The following NSD1 variants were observed in gnomAD, a reference collection of about 807,000 sequenced individuals.
The protein encoded by NSD1 is histone-lysine N-methyltransferase, H3 lysine-36 specific.
Under a neutral mutation model 242.7 loss-of-function variants are expected in NSD1, and 26 were observed. The ratio of observed to expected loss-of-function variants is 0.11; its 90% CI spans 0.08 to 0.15. NSD1 has a LOEUF of 0.15. NSD1 is among the 10% of genes least tolerant of loss of function. The pLI, the probability that NSD1 is intolerant of heterozygous loss-of-function variation, is 1.00. For missense variants in NSD1, 2,495 were observed against 3,272.8 expected (o/e 0.76, Z 5.80); for synonymous variants, 1,106 against 1,178.1 (o/e 0.94, Z 1.25).
Position 177,211,591 on chromosome 5 carries a change from T to C in NSD1, c.3192T>C (p.Leu1064=). Residue 1064 remains leucine (L), a synonymous_variant, in exon 5 of 23, where the codon CTT becomes CTC. Transcript: ENST00000439151. ...TGAATCAGCTTCCAAGTGTGACTCT[T>C]GATGCTGTACTGCAGGGAGACCGAG... The part of the protein sequence containing the change: ...RKLNQLPSVT[L]DAVLQGDRER... 1 of 1,614,112 alleles carries C rather than the reference T, an allele frequency of 6.2e-7. No individual in the cohort carries two copies.
intron 2 of NSD1, among the ~76,000 whole-genome samples, chr5:177,155,561 C>CTTT (rs58025377): frequency 4.1e-5 from 4 of 96,592 alleles, no homozygotes; most frequent in Non-Finnish European, 6.8e-5. Flanking sequence ...ACCGCACTGG[C>CTTT]TTTTTTTTTT....
At position 177,246,790 on chromosome 5, in the gene NSD1, C is replaced by G; in HGVS notation, c.4491C>G (p.Gly1497=). The G allele has an allele frequency of 6.2e-7, 1 of 1,607,884 alleles. No individual in the cohort carries two copies. The highest frequency in any genetic ancestry group is 8.5e-7 in the Non-Finnish European group (1 of 1,174,430). The change falls in exon 10 of 23, where the codon GGC becomes GGG. Residue 1497 remains glycine (G), a synonymous_variant. Coordinates refer to ENST00000439151, the MANE Select transcript of NSD1 (RefSeq NM_022455.5). The stretch of plus-strand genomic sequence containing the variant: ...ATGACTCGTCAAAAGAGATTCCAGG[C>G]TCAGAGGTATTACTCAGTTCCTGAT... The part of the protein sequence containing the change: ...KNDDSSKEIP[G]SEGELMPHRT...
chr5:177,267,269 G>A (rs1757570978), intron 14 of NSD1, among the ~76,000 whole-genome samples: 1 of 152,112 alleles, frequency 6.6e-6, no homozygotes, highest in Admixed American at 6.6e-5. Context: ...AAACAGATGT[G>A]GTTATTGTTT....
In NSD1 at chr5:177,135,477, C is replaced by G. The variant is rs761430959; in HGVS notation, c.374C>G (p.Ala125Gly). The G allele has an allele frequency of 6.2e-7, 1 of 1,614,078 alleles. No homozygotes were observed. The highest frequency in any genetic ancestry group is 1.1e-5 in the South Asian group (1 of 91,094). ...AGTCCTGGTGGTCCTACAGCACTTG[C>G]TATGAAACAGGAACCCTCTTGTAAT... ...SLSPGGPTAL[A>G]MKQEPSCNNS... The change falls in exon 2 of 23, where the codon GCT becomes GGT. Residue 125 changes from alanine to glycine, a missense_variant. Physicochemically the swap from Ala to Gly is moderately conservative, Grantham distance 60 (BLOSUM62 0). This residue lies in a region of NSD1 where 376 missense variants were observed against 367.4 expected (regional missense o/e 1.02). Coordinates refer to ENST00000439151, the MANE Select transcript of NSD1 (RefSeq NM_022455.5).
At chr5:177,133,519 C>G (rs902589913), upstream of NSD1, 1 of 151,294 alleles carries the variant, frequency 6.6e-6, no homozygotes, top group Non-Finnish European at 1.5e-5. The surrounding 1 kb of genome is among the most constrained non-coding windows in gnomAD (Gnocchi z 6.2). Flanking sequence ...CGGGCCGGCC[C>G]GTAGGCCCCG....
chr5:177,187,212 C>G (rs1761308528), intron 2 of NSD1, among the ~76,000 whole-genome samples: 1 of 144,982 alleles, frequency 6.9e-6, no homozygotes, highest in Admixed American at 7.4e-5. Context: ...TCAAGCGATT[C>G]TTCTGCCTCA....
rs546141082 is a variant in NSD1 at position 177,269,355 on chromosome 5, T to C, written c.5304-247T>C. Among the ~76,000 whole-genome samples, 1 of 152,322 alleles carries C rather than the reference T, an allele frequency of 6.6e-6. No homozygotes were observed. Among genetic ancestry groups the C allele is most frequent in the East Asian group, 1.9e-4 (1 of 5,188 alleles). On this transcript the variant is annotated intron_variant, in intron 15 of 22. Coordinates refer to ENST00000439151, the MANE Select transcript of NSD1 (RefSeq NM_022455.5). The surrounding 1 kb of genome is among the most constrained non-coding windows in gnomAD (Gnocchi z 5.1). ...TTCCTATATCATTATTTCCTTTAAG[T>C]AGAATCCTTGAAGTAGAATAATTGA...
At chr5:177,289,547 A>T (rs1759611498) in intron 21 of NSD1, among the ~76,000 whole-genome samples, 1 of 152,136 alleles carries the variant, frequency 6.6e-6, no homozygotes, top group South Asian at 2.1e-4. Context: ...CACATCTCCT[A>T]ATAAGCCATA....
intron 8 of NSD1, among the ~76,000 whole-genome samples, chr5:177,241,497 T>A (rs920613275): frequency 1.3e-5 from 2 of 151,216 alleles, no homozygotes; most frequent in African/African-American, 2.4e-5. Flanking sequence ...AGAGCGAGAC[T>A]CTCTCTCTCT....
At chr5:177,191,405 T>A (rs949736179) in intron 2 of NSD1, among the ~76,000 whole-genome samples, 2 of 152,194 alleles carry the variant, frequency 1.3e-5, no homozygotes, top group Non-Finnish European at 2.9e-5. Flanking sequence ...TGGCTATTAC[T>A]ATTGTTAATA....
At chr5:177,267,491 A>ATG (rs1393153954) in intron 14 of NSD1, 71 bp from the exon 15 acceptor site, 136 of 1,188,154 alleles carry the variant, frequency 1.1e-4, no homozygotes, top group Non-Finnish European at 1.6e-4. Flanking sequence ...ATATATATAT[A>ATG]TGTGTATGGA....
At chr5:177,249,960 C>G (rs913707925) in intron 11 of NSD1, among the ~76,000 whole-genome samples, 2 of 152,194 alleles carry the variant, frequency 1.3e-5, no homozygotes, top group Admixed American at 6.5e-5. Flanking sequence ...ACAGTTCGTG[C>G]CTGTAATTCC....
intron 8 of NSD1, among the ~76,000 whole-genome samples, chr5:177,242,402 T>C (rs960988927): frequency 2.0e-5 from 3 of 152,118 alleles, no homozygotes; most frequent in Non-Finnish European, 2.9e-5. Context: ...GTGAGGAGAA[T>C]TGCAGTCTTA....
chr5:177,180,933 G>A (rs995355540), intron 2 of NSD1, among the ~76,000 whole-genome samples: 6 of 151,834 alleles, frequency 4.0e-5, no homozygotes, highest in African/African-American at 7.3e-5. Context: ...CACCCGCCTC[G>A]GCCTCCCAAA....
chr5:177,137,017 A>G (rs1439323292), intron 2 of NSD1: 1 of 540,748 alleles, frequency 1.8e-6, no homozygotes, highest in Non-Finnish European at 3.4e-6. Context: ...GTGTATAGAA[A>G]TGGAGAGTAT....
At position 177,210,206 on chromosome 5, in the gene NSD1, T is replaced by C. The variant is rs1186631149; in HGVS notation, c.1807T>C (p.Ser603Pro). The change falls in exon 5 of 23, where the codon TCT becomes CCT. Residue 603 changes from serine to proline, a missense_variant. Physicochemically the swap from Ser to Pro is moderately conservative, Grantham distance 74 (BLOSUM62 -1). Transcript: ENST00000439151. ...LPEGALISKC[S>P]REKNKPQRSL... ...TGAGGGTGCTTTGATCTCAAAGTGTTCTCGAGAGAAGAATAAACCCCAACG... is the reference window on the plus strand; with the variant it reads ...TGAGGGTGCTTTGATCTCAAAGTGTCCTCGAGAGAAGAATAAACCCCAACG... The C allele has an allele frequency of 2.5e-6, 4 of 1,596,828 alleles. No individual in the cohort carries two copies. The highest frequency in any genetic ancestry group is 3.4e-6 in the Non-Finnish European group (4 of 1,172,442).
chr5:177,215,727 A>C (rs1377618575), intron 5 of NSD1, among the ~76,000 whole-genome samples: 2 of 151,694 alleles, frequency 1.3e-5, no homozygotes, highest in Non-Finnish European at 2.9e-5. Context: ...TCCTGACCTT[A>C]AGTGATCCTC....
intron 20 of NSD1, among the ~76,000 whole-genome samples, chr5:177,285,846 G>T (rs905115648): frequency 1.3e-5 from 2 of 152,146 alleles, no homozygotes. Context: ...CAAGATAAAA[G>T]AATTAGAATG....
At chr5:177,235,786 T>G in intron 5 of NSD1, 35 bp from the exon 6 acceptor site, 1 of 1,613,726 alleles carries the variant, frequency 6.2e-7, no homozygotes, top group South Asian at 1.1e-5. Flanking sequence ...CCTGAAGCTT[T>G]TTGATTAATG....
Sources: allele counts gnomAD v4.1 joint callset (sites outside exome capture counted in the v4.1 genomes callset), GRCh38; gene constraint gnomAD v4.1.1; regional missense constraint gnomAD v4.1.1; non-coding constraint Gnocchi (gnomAD v3.1); transcripts MANE v1.5; gene names NCBI Gene and HGNC (gene_info 2026-07-23, HGNC 2026-07-21).